Variants in LONRF3 observed in about 807,000 individuals in gnomAD.
LONRF3 encodes the protein LON peptidase N-terminal domain and ring finger 3.
A neutral mutation model predicts 51.7 loss-of-function variants in LONRF3; 19 were observed. That is an observed-to-expected ratio of 0.37 (90% confidence interval 0.26 to 0.54). The LOEUF (loss-of-function observed/expected upper bound fraction) is 0.54, where lower values mean the gene tolerates loss of function less well. Among genes scored for constraint, LONRF3 ranks in the 20% least tolerant of loss-of-function variants. The probability of loss-of-function intolerance (pLI) is 0.86; values close to 1 mark genes in which losing one functional copy is unlikely to be tolerated. For missense variants in LONRF3, 521 were observed against 623.9 expected (o/e 0.84, Z 1.76); for synonymous variants, 265 against 257.8 (o/e 1.03, Z -0.27).
At chrX:118,982,516 G>A (rs990662335) in intron 2 of LONRF3, among the ~76,000 whole-genome samples, 7 of 111,632 alleles carry the variant, frequency 6.3e-5, no homozygotes, top group African/African-American at 2.3e-4. Flanking sequence ...ACAATGGTGG[G>A]GCAGAGACAA....
Position 118,975,331 on chromosome X carries a change from G to T in LONRF3, c.551G>T (p.Arg184Leu). The change falls in exon 1 of 11, where the codon CGT becomes CTT. Residue 184 changes from arginine to leucine, a missense_variant. Coordinates refer to ENST00000371628, the MANE Select transcript of LONRF3 (RefSeq NM_001031855.3). The stretch of plus-strand genomic sequence containing the variant: ...ACCTTTTGTAAACTGTGCCTGGAAC[G>T]TGGGCGGGCCGCCGACCGGCGCTGT... Reference protein sequence around the residue: ...GHTFCKLCLERGRAADRRCAL... With the variant: ...GHTFCKLCLELGRAADRRCAL... The T allele has an allele frequency of 8.3e-7, 1 of 1,210,194 alleles. No individual in the cohort carries two copies. Among genetic ancestry groups the T allele is most frequent in the Non-Finnish European group, 1.1e-6 (1 of 895,037 alleles).
chrX:119,013,080 A>G lies in LONRF3; in HGVS notation c.1853A>G (p.Gln618Arg). Reference protein sequence around the residue: ...YGCILEIRNVQFFADGRSVVD... With the variant: ...YGCILEIRNVRFFADGRSVVD... The stretch of plus-strand genomic sequence containing the variant: ...TGCATCCTAGAGATCAGAAATGTTC[A>G]ATTCTTTGCTGATGGCCGCTCAGTG... The change falls in exon 9 of 11, where the codon CAA becomes CGA. Residue 618 changes from glutamine to arginine, a missense_variant. Around this residue, in one of 2 missense-constraint regions of LONRF3, gnomAD observed 145 missense variants for 247.2 expected, o/e 0.59. Transcript: ENST00000371628. 2 of 1,211,906 alleles carry G rather than the reference A, an allele frequency of 1.7e-6. No individual in the cohort carries two copies. Among genetic ancestry groups the G allele is most frequent in the South Asian group, 3.5e-5 (2 of 56,992 alleles).
chrX:118,999,509 C>T (rs1044136917), intron 5 of LONRF3, among the ~76,000 whole-genome samples: 4 of 111,910 alleles, frequency 3.6e-5, no homozygotes, highest in Non-Finnish European at 7.5e-5. Flanking sequence ...CTTTGTTGTG[C>T]GTATCCTTCT....
At chrX:118,995,612 AAG>A (rs1280735475) in intron 5 of LONRF3, among the ~76,000 whole-genome samples, 1 of 112,523 alleles carries the variant, frequency 8.9e-6, no homozygotes, top group African/African-American at 3.2e-5. Flanking sequence ...TCAAGGGAAG[AAG>A]AGAGAAAATT....
chrX:119,014,723 G>A (rs1356403585), intron 10 of LONRF3, among the ~76,000 whole-genome samples: 2 of 111,442 alleles, frequency 1.8e-5, no homozygotes, highest in East Asian at 2.8e-4. Flanking sequence ...CTTAAGAGAA[G>A]GGTATCCTGG....
rs773102372 is a variant in LONRF3 at position 118,975,185 on chromosome X, C to G, written c.405C>G (p.Thr135=). The G allele has an allele frequency of 5.9e-6, 7 of 1,180,242 alleles. No homozygotes were observed. Among genetic ancestry groups the G allele is most frequent in the Non-Finnish European group, 8.0e-6 (7 of 880,416 alleles). Residue 135 remains threonine, a synonymous_variant, in exon 1 of 11, where the codon ACC becomes ACG. Coordinates refer to ENST00000371628, the MANE Select transcript of LONRF3 (RefSeq NM_001031855.3). ...ACGAGGGTAGCACTGCAAGCGGCAC[C>G]GTGGCGGCGGAAGAGACGGGGGCCG... ...PPDEGSTASG[T]VAAEETGAAA...
chrX:118,988,940 T>C (rs1340437717), intron 3 of LONRF3, among the ~76,000 whole-genome samples: 2 of 110,446 alleles, frequency 1.8e-5, no homozygotes, highest in Non-Finnish European at 3.8e-5. Context: ...GCCAAAGCCC[T>C]ACCAAAAGTC....
intron 1 of LONRF3, chrX:118,976,875 A>G (rs1205903735): frequency 9.0e-6 from 1 of 111,015 alleles, no homozygotes; most frequent in Non-Finnish European, 1.9e-5. Flanking sequence ...CCTGGACCTG[A>G]CTCTGTGGAG....
chrX:118,991,048 G>C (rs1351565544), intron 5 of LONRF3, among the ~76,000 whole-genome samples: 1 of 111,061 alleles, frequency 9.0e-6, no homozygotes, highest in Non-Finnish European at 1.9e-5. Context: ...AGTAGAGACA[G>C]GGTTTCACAA....
chrX:119,013,399 C>T (rs1925241720), intron 9 of LONRF3, among the ~76,000 whole-genome samples, 198 bp downstream of exon 9: 1 of 112,364 alleles, frequency 8.9e-6, no homozygotes, highest in Non-Finnish European at 1.9e-5. Flanking sequence ...CCTGGCTCTG[C>T]TTAGCTGCTG....
At chrX:119,000,337 G>A (rs1250783438) in intron 5 of LONRF3, among the ~76,000 whole-genome samples, 3 of 112,210 alleles carry the variant, frequency 2.7e-5, no homozygotes, top group Non-Finnish European at 5.6e-5. Context: ...GAGAAAATTA[G>A]GAGAAGCAGG....
chrX:118,992,970 G>A (rs1011030818), intron 5 of LONRF3, among the ~76,000 whole-genome samples: 2 of 111,560 alleles, frequency 1.8e-5, no homozygotes, highest in Admixed American at 1.9e-4. Flanking sequence ...GGAAAAGGGG[G>A]AGAGTACTAC....
intron 6 of LONRF3, among the ~76,000 whole-genome samples, chrX:119,007,560 G>C (rs1260081851): frequency 8.9e-6 from 1 of 112,344 alleles, no homozygotes; most frequent in Non-Finnish European, 1.9e-5. Context: ...TTTACAATCG[G>C]TGTTAATGTT....
At chrX:119,008,789 G>A (rs1445010839) in intron 6 of LONRF3, among the ~76,000 whole-genome samples, 2 of 111,343 alleles carry the variant, frequency 1.8e-5, no homozygotes, top group African/African-American at 6.5e-5. Context: ...AATGGAAAGG[G>A]AAGAATTCCC....
At chrX:119,000,775 TTCTCTCTCTC>T (rs200671696) in intron 5 of LONRF3, among the ~76,000 whole-genome samples, 137 of 55,802 alleles carry the variant, frequency 2.5e-3, no homozygotes, top group East Asian at 9.6e-3. Context: ...TTCACTCTCA[TTCTCTCTCTC>T]TCTCTCTCTC....
In LONRF3 at chrX:119,011,983, G is replaced by A; in HGVS notation, c.1811+10G>A. On this transcript the variant is annotated intron_variant, in intron 8 of 10. Coordinates refer to ENST00000371628, the MANE Select transcript of LONRF3 (RefSeq NM_001031855.3). ...GAGATCCTGTCAAAGGGTAAGTGAG[G>A]AGCCATGCGAGCAAAGGGAGGTTGT... The A allele has an allele frequency of 8.3e-7, 1 of 1,209,950 alleles. No individual in the cohort carries two copies. The highest frequency in any genetic ancestry group is 1.1e-6 in the Non-Finnish European group (1 of 894,223).
intron 8 of LONRF3, chrX:119,012,738 A>G (rs1030474185): frequency 1.3e-5 from 5 of 381,147 alleles, no homozygotes; most frequent in Non-Finnish European, 2.2e-5. Context: ...CCTCTTAATA[A>G]TGTTACAATA....
intron 2 of LONRF3, among the ~76,000 whole-genome samples, chrX:118,978,973 C>T (rs866076421): frequency 4.8e-5 from 5 of 103,840 alleles, no homozygotes; most frequent in Non-Finnish European, 7.8e-5. Flanking sequence ...CTTCCTTTCT[C>T]TCTCTCTCTC....
Position 118,975,203 on chromosome X carries a change from G to T in LONRF3, c.423G>T (p.Thr141=). The change falls in exon 1 of 11, where the codon ACG becomes ACT. Residue 141 remains threonine, a synonymous_variant. Coordinates refer to ENST00000371628, the MANE Select transcript of LONRF3 (RefSeq NM_001031855.3). ...GCGGCACCGTGGCGGCGGAAGAGACGGGGGCCGCCGCGGCTGCGGCGGCCA... is the reference window on the plus strand; with the variant it reads ...GCGGCACCGTGGCGGCGGAAGAGACTGGGGCCGCCGCGGCTGCGGCGGCCA... ...TASGTVAAEE[T]GAAAAAAATE... 8.6e-7 allele frequency: 1 copy of T among 1,167,913 alleles called. No homozygotes were observed. The highest frequency in any genetic ancestry group is 1.1e-6 in the Non-Finnish European group (1 of 876,257).
Sources: gnomAD v4.1 joint callset for allele counts (sites outside exome capture counted in the v4.1 genomes callset) on GRCh38, gnomAD v4.1.1 for gene constraint, gnomAD v4.1.1 regional missense constraint, MANE v1.5 for transcripts, NCBI Gene and HGNC (gene_info 2026-07-23, HGNC 2026-07-21) for gene names.